TTF1: variants seen among roughly 807,000 people sequenced by gnomAD.
TTF1 encodes the protein transcription termination factor 1.
TTF1 carries 64 observed loss-of-function variants against 80.2 expected under a neutral mutation model. The ratio of observed to expected loss-of-function variants is 0.80; its 90% confidence interval spans 0.65 to 0.98. The LOEUF (loss-of-function observed/expected upper bound fraction) is 0.98, where lower values mean the gene tolerates loss of function less well. TTF1 is among the 50% of genes least tolerant of loss of function. The pLI, the probability that TTF1 is intolerant of heterozygous loss-of-function variation, is 0.00. For missense variants in TTF1, 1,023 were observed against 1,086.2 expected, an observed-to-expected ratio of 0.94 and a Z score of 0.82; for synonymous variants, 372 against 382.7, an observed-to-expected ratio of 0.97 and a Z score of 0.33.
chr9:132,405,365 G>A (rs1300589307), intron 1 of TTF1, among the ~76,000 whole-genome samples: 1 of 152,162 alleles, frequency 6.6e-6, no homozygotes, highest in South Asian at 2.1e-4. Context: ...AAGCCACCAA[G>A]CCTGGCTAAT....
At chr9:132,396,617 C>T (rs1320473733) in intron 4 of TTF1, 106 bp from the exon 5 acceptor site, 19 of 852,310 alleles carry the variant, frequency 2.2e-5, no homozygotes, top group Middle Eastern at 4.5e-4. Flanking sequence ...TCCTAAGCCC[C>T]GTGTTAAGGC....
At chr9:132,377,265 GT>G (rs1849206262) in intron 10 of TTF1, among the ~76,000 whole-genome samples, 1 of 138,940 alleles carries the variant, frequency 7.2e-6, no homozygotes, top group African/African-American at 2.8e-5. Flanking sequence ...GAGTGCATGC[GT>G]GTGGTGTGAG....
chr9:132,378,294 G>GTGAA (rs1849283702), intron 10 of TTF1, among the ~76,000 whole-genome samples: 2 of 142,206 alleles, frequency 1.4e-5, no homozygotes, highest in Non-Finnish European at 1.5e-5. Flanking sequence ...CATGTGGTGA[G>GTGAA]TGCATGTGGT....
chr9:132,376,023 G>A lies in TTF1; in HGVS notation c.2610C>T (p.Asp870=), dbSNP rs201618724. Residue 870 remains aspartate (D), a synonymous_variant, in exon 11 of 11, where the codon GAC becomes GAT. Transcript: ENST00000334270. ...TTTCTATGTCCTCTCCTTCACTATC[G>A]TCTTCATAATAAAAGATGTCTCGAA... ...FPFRDIFYYE[D]DSEGEDIEKE... is the part of the protein sequence containing the mutation. 257 of 1,614,132 alleles carry A rather than the reference G, an allele frequency of 1.6e-4. No individual in the cohort carries two copies. Among genetic ancestry groups the A allele is most frequent in the Non-Finnish European group, 1.9e-4 (222 of 1,180,028 alleles).
rs1267891712 is a variant in TTF1 at position 132,390,747 on chromosome 9, G to C, written c.2072C>G (p.Pro691Arg). The change falls in exon 7 of 11, where the codon CCC becomes CGC. Residue 691 changes from proline (P) to arginine (R), a missense_variant. Pro to Arg is a moderately radical substitution (Grantham distance 103). Transcript: ENST00000334270. ...VEEVILKKMS[P>R]QELKEVDSKL... Reference sequence around the variant, plus strand: ...GGAATCCACCTCTTTTAACTCCTGGGGAGACATCTTCTTCAGAATCACTTC... The same window carrying C: ...GGAATCCACCTCTTTTAACTCCTGGCGAGACATCTTCTTCAGAATCACTTC... 1 of 1,613,990 alleles carries C rather than the reference G, an allele frequency of 6.2e-7. No individual in the cohort carries two copies. Among genetic ancestry groups the C allele is most frequent in the African/African-American group, 1.3e-5 (1 of 74,876 alleles).
chr9:132,397,131 G>C (rs1190597331), intron 4 of TTF1, among the ~76,000 whole-genome samples: 1 of 152,130 alleles, frequency 6.6e-6, no homozygotes, highest in Admixed American at 6.5e-5. Context: ...TTCAGCTTCC[G>C]GTCTATGCAA....
At chr9:132,386,251 A>G (rs1849468026) in intron 9 of TTF1, among the ~76,000 whole-genome samples, 1 of 152,130 alleles carries the variant, frequency 6.6e-6, no homozygotes, top group South Asian at 2.1e-4. Context: ...AGGCGTGATG[A>G]TCTATGTGAC....
rs1466281613 is a variant in TTF1, at chr9:132,396,308, C to CACAAAT, written c.1856+124_1856+125insATTTGT. 5.3e-6 allele frequency: 5 copies of CACAAAT among 945,176 alleles called. No homozygotes were observed. The African/African-American group carries it at 8.2e-5, about 15-fold the overall frequency. 58.5% of individuals were successfully genotyped at this position (945,176 alleles called of 1,614,324 possible). On this transcript the variant is annotated intron_variant, in intron 5 of 10. Transcript: ENST00000334270. ...CACACATTTGACAACAAATACACCACCTGGTTTCACACACACAAATCTGCG... is the reference window on the plus strand; with the variant it reads ...CACACATTTGACAACAAATACACCACACAAATCTGGTTTCACACACACAAATCTGCG...
intron 3 of TTF1, among the ~76,000 whole-genome samples, chr9:132,399,198 CAA>C (rs1257892532): frequency 2.5e-4 from 12 of 48,232 alleles, no homozygotes; most frequent in Middle Eastern, 9.3e-3. Context: ...GACTCTGTCT[CAA>C]AAAAAAAAAA....
chr9:132,376,500 G>A (rs745829246), intron 10 of TTF1, among the ~76,000 whole-genome samples: 4 of 152,082 alleles, frequency 2.6e-5, no homozygotes, highest in African/African-American at 4.8e-5. Flanking sequence ...CCCAGGGTAC[G>A]ATATCACCCA....
At chr9:132,389,647 A>G (rs1384367658) in intron 7 of TTF1, among the ~76,000 whole-genome samples, 1 of 152,150 alleles carries the variant, frequency 6.6e-6, no homozygotes, top group East Asian at 1.9e-4. Context: ...TTTTACTCCT[A>G]TTTATTATTC....
intron 1 of TTF1, among the ~76,000 whole-genome samples, chr9:132,403,924 T>C (rs1174518089): frequency 1.3e-5 from 2 of 152,198 alleles, no homozygotes; most frequent in Non-Finnish European, 2.9e-5. Flanking sequence ...GGAATAAATT[T>C]CACAAGCCAC....
chr9:132,402,864 C>CT (rs754648399), intron 1 of TTF1, 36 bp from the exon 2 acceptor site: 344 of 1,513,932 alleles, frequency 2.3e-4, no homozygotes, highest in African/African-American at 1.3e-3. Context: ...TTTATTTTTG[C>CT]TTTTTTTTTG....
At chr9:132,385,144 C>T (rs1051187103) in intron 9 of TTF1, among the ~76,000 whole-genome samples, 4 of 152,152 alleles carry the variant, frequency 2.6e-5, no homozygotes, top group African/African-American at 9.7e-5. Flanking sequence ...CGCTAAAGCA[C>T]GGGGTCTCGG....
chr9:132,396,543 T>TCA lies in TTF1; in HGVS notation c.1778-34_1778-33dup, dbSNP rs752364997. ...TCAGAAGAAAGGTGATCAGAGGGAC[T>TCA]CACATGAAATGAAGTCGCAATTGTA... On this transcript the variant is annotated intron_variant, in intron 4 of 10. Coordinates refer to ENST00000334270, the MANE Select transcript of TTF1 (RefSeq NM_007344.4). 1.3e-5 allele frequency: 21 copies of TCA among 1,595,598 alleles called. No homozygotes were observed. The East Asian group carries it at 3.8e-4, about 29-fold the overall frequency.
chr9:132,398,374 C>T (rs147864574), intron 3 of TTF1, 48 bp from the exon 4 acceptor site: 1 of 1,115,476 alleles, frequency 9.0e-7, no homozygotes, highest in Non-Finnish European at 1.2e-6. Context: ...TTAATAATGA[C>T]AAAAGCAAAC....
chr9:132,383,792 C>T (rs1342918955), intron 9 of TTF1, among the ~76,000 whole-genome samples: 3 of 152,170 alleles, frequency 2.0e-5, no homozygotes, highest in Admixed American at 1.3e-4. Context: ...ACCCTGCAAC[C>T]ACGCAGTGTT....
intron 2 of TTF1, 38 bp downstream of exon 2, chr9:132,401,417 G>A: frequency 6.4e-7 from 1 of 1,557,040 alleles, no homozygotes; most frequent in East Asian, 2.3e-5. Context: ...CCATACGAAA[G>A]AAATATACCA....
intron 8 of TTF1, 107 bp downstream of exon 8, chr9:132,388,032 C>A (rs1849500181): frequency 5.2e-6 from 4 of 769,058 alleles, no homozygotes; most frequent in Non-Finnish European, 4.2e-6. Context: ...AGTGCTGGAA[C>A]AGGGATTTGG....
Sources: gnomAD v4.1 joint callset for allele counts (sites outside exome capture counted in the v4.1 genomes callset) on GRCh38, gnomAD v4.1.1 for gene constraint, MANE v1.5 for transcripts, NCBI Gene and HGNC (gene_info 2026-07-23, HGNC 2026-07-21) for gene names.